MCM3: variants seen among roughly 807,000 people sequenced by gnomAD.
The protein encoded by MCM3 is minichromosome maintenance complex component 3, also known as DNA replication licensing factor MCM3.
MCM3 carries 59 observed loss-of-function variants against 91.3 expected under a neutral mutation model. The observed-to-expected ratio is 0.65, with a 90% confidence interval of 0.52 to 0.80. The LOEUF is 0.80. MCM3 is among the 30% of genes least tolerant of loss of function. The probability of loss-of-function intolerance (pLI) is 0.00; values close to 1 mark genes in which losing one functional copy is unlikely to be tolerated. For synonymous variants in MCM3, 383 were observed against 379.6 expected (o/e 1.01, Z -0.10); for missense variants, 919 against 1,035.4 (o/e 0.89, Z 1.54).
intron 4 of MCM3, among the ~76,000 whole-genome samples, chr6:52,281,785 G>GACT (rs1313946590): frequency 6.6e-6 from 1 of 152,092 alleles, no homozygotes; most frequent in African/African-American, 2.4e-5. Context: ...AGTGCACCAT[G>GACT]ACTGCACCTG....
chr6:52,274,022 A>G, intron 9 of MCM3, 106 bp from the exon 10 acceptor site: 1 of 807,376 alleles, frequency 1.2e-6, no homozygotes, highest in Non-Finnish European at 2.0e-6. Flanking sequence ...GACCTCAAAG[A>G]GCAAAACAGA....
chr6:52,276,624 C>T, intron 8 of MCM3, 148 bp from the exon 9 acceptor site: 1 of 664,852 alleles, frequency 1.5e-6, no homozygotes, highest in East Asian at 2.8e-5. Flanking sequence ...TAGAGGAAAC[C>T]CTGGTGGGTC....
chr6:52,267,112 T>TTTTTTTTTTTTTA (rs1764702183), intron 14 of MCM3, among the ~76,000 whole-genome samples: 4 of 148,960 alleles, frequency 2.7e-5, no homozygotes, highest in African/African-American at 7.4e-5. Context: ...TTTTTTTTTT[T>TTTTTTTTTTTTTA]GAGACGGACG....
chr6:52,270,155 C>A (rs530650930), intron 12 of MCM3, among the ~76,000 whole-genome samples: 10 of 152,008 alleles, frequency 6.6e-5, no homozygotes, highest in African/African-American at 1.2e-4. Flanking sequence ...GAAACCCCAT[C>A]TCTATTAAAA....
chr6:52,272,525 C>A, intron 11 of MCM3, 74 bp from the exon 12 acceptor site: 1 of 1,566,228 alleles, frequency 6.4e-7, no homozygotes, highest in Non-Finnish European at 8.7e-7. Flanking sequence ...CTTTGCCTCT[C>A]AGAAAAGCCA....
chr6:52,267,992 G>A, intron 13 of MCM3, 24 bp from the exon 14 acceptor site: 2 of 1,613,882 alleles, frequency 1.2e-6, no homozygotes, highest in East Asian at 2.2e-5. Flanking sequence ...AAGTGTGGCT[G>A]GGCTAGAGGG....
Position 52,282,150 on chromosome 6 carries a change from G to T in MCM3, c.426C>A (p.Val142=). Reference sequence around the variant, plus strand: ...TAGCAGGACAGTAGTGGACACTGCGGACGACTTTGGGACGAACTAGAGAAC... The same window carrying T: ...TAGCAGGACAGTAGTGGACACTGCGTACGACTTTGGGACGAACTAGAGAAC... The part of the protein sequence containing the change: ...TKCSLVRPKV[V]RSVHYCPATK... The change falls in exon 4 of 17, where the codon GTC becomes GTA. Residue 142 remains valine, a synonymous_variant. Transcript: ENST00000596288. 1 of 1,614,144 alleles carries T rather than the reference G, an allele frequency of 6.2e-7. No individual in the cohort carries two copies. Among genetic ancestry groups the T allele is most frequent in the Non-Finnish European group, 8.5e-7 (1 of 1,179,996 alleles).
At position 52,279,446 on chromosome 6, in the gene MCM3, C is replaced by A. The variant is rs535541145; in HGVS notation, c.685G>T (p.Ala229Ser). ...ACCTGAACCCGGTCACCAGGCTTCG[C>A]TTTATCCACCAAGTCATCATCCAGA... ...VILDDDLVDK[A>S]KPGDRVQVVG... Residue 229 changes from alanine (A) to serine (S), a missense_variant, in exon 5 of 17, where the codon GCG becomes TCG. Physicochemically the swap from Ala to Ser is moderately conservative, Grantham distance 99. Around this residue, in one of 3 missense-constraint regions of MCM3, gnomAD observed 401 missense variants for 402.7 expected, o/e 1.00. Coordinates refer to ENST00000596288, the MANE Select transcript of MCM3 (RefSeq NM_002388.6). 3.8e-5 allele frequency: 61 copies of A among 1,614,192 alleles called. No homozygotes were observed. In the South Asian group the frequency reaches 6.3e-4, roughly 17 times the overall value.
intron 4 of MCM3, among the ~76,000 whole-genome samples, chr6:52,280,324 A>G (rs1027305858): frequency 8.3e-4 from 127 of 152,252 alleles, no homozygotes; most frequent in Non-Finnish European, 1.3e-4. Flanking sequence ...TACGTATATT[A>G]AAGTTTTACT....
intron 13 of MCM3, 84 bp from the exon 14 acceptor site, chr6:52,268,052 C>G: frequency 6.3e-7 from 1 of 1,598,070 alleles, no homozygotes; most frequent in African/African-American, 1.3e-5. Flanking sequence ...CCTTCTGCAT[C>G]ATAAGCAGGA....
At chr6:52,265,305 C>T in intron 16 of MCM3, 1 of 434,450 alleles carries the variant, frequency 2.3e-6, no homozygotes, top group Admixed American at 2.5e-5. Flanking sequence ...GTAATCCCAG[C>T]CTTTTGGGAG....
rs1764626288 is a variant in MCM3 at position 52,266,137 on chromosome 6, A to C, written c.2166T>G (p.Thr722=). The change falls in exon 16 of 17, where the codon ACT becomes ACG. Residue 722 remains threonine (T), a synonymous_variant. Transcript: ENST00000596288. The part of the protein sequence containing the change: ...DTEEEMPQVH[T]PKTADSQETK... ...TCTCCTGTGAGTCTGCCGTCTTTGGAGTGTGTACTTCAGAGGGTTGATGGT... is the reference window on the plus strand; with the variant it reads ...TCTCCTGTGAGTCTGCCGTCTTTGGCGTGTGTACTTCAGAGGGTTGATGGT... 1 of 1,613,762 alleles carries C rather than the reference A, an allele frequency of 6.2e-7. No individual in the cohort carries two copies. Among genetic ancestry groups the C allele is most frequent in the Non-Finnish European group, 8.5e-7 (1 of 1,179,728 alleles).
At chr6:52,270,343 A>G (rs1156488183) in intron 12 of MCM3, among the ~76,000 whole-genome samples, 3 of 151,310 alleles carry the variant, frequency 2.0e-5, no homozygotes, top group Admixed American at 6.6e-5. Flanking sequence ...AAAAAAAAAA[A>G]AAGAAAAAAA....
chr6:52,270,664 C>T (rs1006788325), intron 12 of MCM3, among the ~76,000 whole-genome samples: 2 of 152,142 alleles, frequency 1.3e-5, no homozygotes, highest in Admixed American at 1.3e-4. Flanking sequence ...CACTTACAGA[C>T]CCCACACTAA....
In MCM3 at chr6:52,273,734, G is replaced by T; in HGVS notation, c.1549+8C>A. The T allele has an allele frequency of 6.2e-7, 1 of 1,604,946 alleles. No homozygotes were observed. The highest frequency in any genetic ancestry group is 8.5e-7 in the Non-Finnish European group (1 of 1,175,416). ...CATTAGTTACTCTTACTATTCTTAT[G>T]GCCTCACCATCGCCATCCTGCTCCC... On this transcript the variant is annotated splice_region_variant and intron_variant, in intron 10 of 16. Transcript: ENST00000596288.
At position 52,282,879 on chromosome 6, in the gene MCM3, A is replaced by G; in HGVS notation, c.192-18T>C. Reference sequence around the variant, plus strand: ...TCAGAAGCCTGTACATAAGCAAGAGAAAGAAAAATTAGACTGGGCAGAACT... The same window carrying G: ...TCAGAAGCCTGTACATAAGCAAGAGGAAGAAAAATTAGACTGGGCAGAACT... On this transcript the variant is annotated intron_variant, in intron 2 of 16. Transcript: ENST00000596288. 1 of 1,607,442 alleles carries G rather than the reference A, an allele frequency of 6.2e-7. No individual in the cohort carries two copies. The highest frequency in any genetic ancestry group is 8.5e-7 in the Non-Finnish European group (1 of 1,174,888).
intron 3 of MCM3, 84 bp downstream of exon 3, chr6:52,282,569 G>T: frequency 7.5e-7 from 1 of 1,325,924 alleles, no homozygotes; most frequent in Non-Finnish European, 1.1e-6. Flanking sequence ...GAAGCCACAA[G>T]CTACCCAGAT....
At chr6:52,266,172 G>A (rs754544650) in intron 15 of MCM3, 28 bp from the exon 16 acceptor site, 1 of 1,578,702 alleles carries the variant, frequency 6.3e-7, no homozygotes, top group South Asian at 1.1e-5. Flanking sequence ...TTGTAGAGAT[G>A]GGGAAGATAA....
chr6:52,272,370 C>T lies in MCM3; in HGVS notation c.1758G>A (p.Ser586=), dbSNP rs201466718. The change falls in exon 12 of 17, where the codon TCG becomes TCA. Residue 586 remains serine (S), a synonymous_variant. Coordinates refer to ENST00000596288, the MANE Select transcript of MCM3 (RefSeq NM_002388.6). ...AATACTCTTCTGCAATGTAGGTGGC[C>T]GACTCCTGTGTCAGGACAGGCTTGA... ...KIIKPVLTQE[S]ATYIAEEYSR... The T allele has an allele frequency of 6.8e-6, 11 of 1,614,078 alleles. No homozygotes were observed. In the East Asian group the frequency reaches 1.6e-4, roughly 23 times the overall value.
Sources: allele counts gnomAD v4.1 joint callset (sites outside exome capture counted in the v4.1 genomes callset), GRCh38; gene constraint gnomAD v4.1.1; regional missense constraint gnomAD v4.1.1; transcripts MANE v1.5; gene names NCBI Gene and HGNC (gene_info 2026-07-23, HGNC 2026-07-21).